Variants in SLC8A1 observed in about 807,000 individuals in gnomAD.
SLC8A1 encodes the protein solute carrier family 8 member A1, also known as sodium/calcium exchanger 1.
A neutral mutation model predicts 68.3 loss-of-function variants in SLC8A1; 18 were observed. The observed-to-expected ratio is 0.26, with a 90% CI of 0.18 to 0.39. The LOEUF is 0.39. Among genes scored for constraint, SLC8A1 ranks in the 10% least tolerant of loss-of-function variants. SLC8A1 has a pLI of 1.00. For missense variants in SLC8A1, 985 were observed against 1,156.7 expected (o/e 0.85, Z 2.15); for synonymous variants, 475 against 415.5 (o/e 1.14, Z -1.74).
chr2:40,269,027 C>T (rs1383728859), intron 2 of SLC8A1, among the ~76,000 whole-genome samples: 5 of 152,278 alleles, frequency 3.3e-5, no homozygotes, highest in Non-Finnish European at 7.3e-5. Context: ...TTTACAGGCA[C>T]TCATGCTCCT....
chr2:40,178,940 C>T (rs1276906262), intron 2 of SLC8A1, among the ~76,000 whole-genome samples: 1 of 152,142 alleles, frequency 6.6e-6, no homozygotes, highest in Non-Finnish European at 1.5e-5. Context: ...AATTGGCTTA[C>T]AGGTCATTTT....
chr2:40,359,947 A>C (rs1034718958), intron 2 of SLC8A1, among the ~76,000 whole-genome samples: 3 of 146,588 alleles, frequency 2.0e-5, no homozygotes, highest in African/African-American at 7.5e-5. Context: ...AAAAAAAAAA[A>C]CAGATACATA....
At chr2:40,260,124 G>C (rs1267798908) in intron 2 of SLC8A1, among the ~76,000 whole-genome samples, 3 of 152,170 alleles carry the variant, frequency 2.0e-5, no homozygotes, top group Non-Finnish European at 4.4e-5. Context: ...CTTAGTCCAA[G>C]AAAGTGAACA....
At chr2:40,258,276 G>A (rs893084148) in intron 2 of SLC8A1, among the ~76,000 whole-genome samples, 3 of 152,144 alleles carry the variant, frequency 2.0e-5, no homozygotes, top group African/African-American at 7.2e-5. Flanking sequence ...CATGTCTCTG[G>A]GATGGGTTCT....
chr2:40,288,232 C>G (rs796552098), intron 2 of SLC8A1, among the ~76,000 whole-genome samples: 5 of 152,228 alleles, frequency 3.3e-5, no homozygotes, highest in African/African-American at 1.2e-4. Flanking sequence ...CACATATGAC[C>G]TGAAACTTTA....
At chr2:40,437,866 T>A (rs921109781) in intron 1 of SLC8A1, among the ~76,000 whole-genome samples, 4 of 151,994 alleles carry the variant, frequency 2.6e-5, no homozygotes, top group African/African-American at 9.7e-5. Context: ...ATAAAACATA[T>A]CTCCAAAGGA....
intron 2 of SLC8A1, among the ~76,000 whole-genome samples, chr2:40,358,431 G>C (rs926711342): frequency 6.6e-5 from 10 of 152,238 alleles, no homozygotes; most frequent in African/African-American, 2.4e-4. Flanking sequence ...GAACATAAAA[G>C]GCAGTGAATA....
intron 2 of SLC8A1, chr2:40,251,726 G>C (rs2062783301): frequency 6.6e-6 from 1 of 152,178 alleles, no homozygotes; most frequent in African/African-American, 2.4e-5. Context: ...GTCAACAGCT[G>C]AATCTCAGCC....
At chr2:40,361,880 T>C (rs1387793476) in intron 2 of SLC8A1, among the ~76,000 whole-genome samples, 1 of 149,532 alleles carries the variant, frequency 6.7e-6, no homozygotes, top group African/African-American at 2.5e-5. Flanking sequence ...TTTATATCTT[T>C]TCTTTCCTTT....
At chr2:40,098,039 C>G (rs76144088) in exon 8 of SLC8A1, 2 of 151,864 alleles carry the variant, frequency 1.3e-5, no homozygotes, top group Non-Finnish European at 2.9e-5. Flanking sequence ...GTGTAAATCA[C>G]ATATATCTTA....
rs17502463 is a variant in SLC8A1 at position 40,161,253 on chromosome 2, C to T, written c.2062-389G>A. ...TGCCCTATTCAGCACTACATATCTGCGAATAGCCGGAAGTGACAGATTATG... is the reference window on the plus strand; with the variant it reads ...TGCCCTATTCAGCACTACATATCTGTGAATAGCCGGAAGTGACAGATTATG... On this transcript the variant is annotated intron_variant, in intron 5 of 7. Coordinates refer to ENST00000406785, the Ensembl canonical transcript of SLC8A1. 5.2e-3 allele frequency among the ~76,000 whole-genome samples: 790 copies of T among 152,210 alleles called. 5 individuals carry two copies. Among genetic ancestry groups the T allele is most frequent in the Admixed American group, 8.8e-3 (134 of 15,284 alleles).
In SLC8A1 at chr2:40,244,311, C is replaced by T. The variant is rs757944957; in HGVS notation, c.1809-66456G>A. Among the ~76,000 whole-genome samples the T allele has an allele frequency of 6.6e-5, 10 of 152,260 alleles. No individual in the cohort carries two copies. In the South Asian group the frequency reaches 1.4e-3, roughly 22 times the overall value. On this transcript the variant is annotated intron_variant, in intron 2 of 7. Coordinates refer to ENST00000406785, the Ensembl canonical transcript of SLC8A1. ...GCCATCATTTACTGAGCATCTACTACGTGAGTCTCCTTCTGAGCGTTTCCA... is the reference window on the plus strand; with the variant it reads ...GCCATCATTTACTGAGCATCTACTATGTGAGTCTCCTTCTGAGCGTTTCCA...
chr2:40,321,723 T>A (rs757542534), intron 2 of SLC8A1, among the ~76,000 whole-genome samples: 2 of 152,056 alleles, frequency 1.3e-5, no homozygotes, highest in African/African-American at 2.4e-5. Context: ...AAGAACAGCA[T>A]GGAGGTAGCC....
chr2:40,466,571 T>G (rs1703686492), intron 1 of SLC8A1, among the ~76,000 whole-genome samples: 1 of 152,182 alleles, frequency 6.6e-6, no homozygotes, highest in Non-Finnish European at 1.5e-5. Context: ...TTGCTTCCCT[T>G]GCAAACTGAG....
chr2:40,447,887 CAT>C (rs1701741514), intron 1 of SLC8A1, among the ~76,000 whole-genome samples: 1 of 152,192 alleles, frequency 6.6e-6, no homozygotes, highest in African/African-American at 2.4e-5. Flanking sequence ...TCCTCTTCCA[CAT>C]GTTCCCCTCC....
chr2:40,272,306 A>G (rs866840652), intron 2 of SLC8A1, among the ~76,000 whole-genome samples: 1 of 152,202 alleles, frequency 6.6e-6, no homozygotes, highest in African/African-American at 2.4e-5. Flanking sequence ...AAACAAGAAC[A>G]TGATCAGTTT....
intron 2 of SLC8A1, among the ~76,000 whole-genome samples, chr2:40,396,535 A>T (rs891477779): frequency 1.3e-5 from 2 of 152,124 alleles, no homozygotes; most frequent in Non-Finnish European, 2.9e-5. Context: ...GACTGCATCA[A>T]AGCATAACAC....
At chr2:40,168,954 C>T (rs1334122615) in intron 4 of SLC8A1, among the ~76,000 whole-genome samples, 1 of 152,178 alleles carries the variant, frequency 6.6e-6, no homozygotes, top group Admixed American at 6.5e-5. Flanking sequence ...TCAATATTGA[C>T]AGGACATAAA....
At chr2:40,299,942 G>T (rs911758822) in intron 2 of SLC8A1, among the ~76,000 whole-genome samples, 5 of 152,122 alleles carry the variant, frequency 3.3e-5, no homozygotes, top group African/African-American at 1.2e-4. Flanking sequence ...TGCATCCCAT[G>T]CATGCATAGA....
Sources: gnomAD v4.1 joint callset for allele counts (sites outside exome capture counted in the v4.1 genomes callset) on GRCh38, gnomAD v4.1.1 for gene constraint, MANE v1.5 for transcripts, NCBI Gene and HGNC (gene_info 2026-07-23, HGNC 2026-07-21) for gene names.